TIAM1: variants seen among roughly 807,000 people sequenced by gnomAD.
TIAM1 encodes the protein rho guanine nucleotide exchange factor TIAM1.
A neutral mutation model predicts 163.5 loss-of-function variants in TIAM1; 65 were observed. The observed-to-expected ratio is 0.40, with a 90% CI of 0.33 to 0.49. TIAM1 has a LOEUF of 0.49. TIAM1 is among the 20% of genes least tolerant of loss of function. The pLI is 0.77. For synonymous variants in TIAM1, 833 were observed against 810.1 expected (o/e 1.03, Z -0.48); for missense variants, 1,789 against 2,044.7 (o/e 0.87, Z 2.41).
At chr21:31,543,309 G>A (rs2048377368) in intron 1 of TIAM1, among the ~76,000 whole-genome samples, 3 of 152,192 alleles carry the variant, frequency 2.0e-5, no homozygotes, top group Admixed American at 2.0e-4. Flanking sequence ...TTCCAAGCTC[G>A]CGCTCTTGGC....
intron 2 of TIAM1, among the ~76,000 whole-genome samples, chr21:31,292,680 T>C (rs554809014): frequency 7.9e-4 from 119 of 150,646 alleles, no homozygotes; most frequent in African/African-American, 2.8e-3. Flanking sequence ...CTTTTTTTTT[T>C]TTTTTTAAGA....
rs114996789 is a variant in TIAM1 at position 31,214,513 on chromosome 21, T to C, written c.2143-1041A>G. ...CTTTGTAATACATTCTTAAGTAGAA[T>C]GTGAGAATATTATAGTTTTTTACCT... On this transcript the variant is annotated intron_variant, in intron 9 of 27. Transcript: ENST00000541036. Among the ~76,000 whole-genome samples the C allele has an allele frequency of 1.7e-3, 254 of 152,232 alleles. 3 individuals carry two copies. Among genetic ancestry groups the C allele is most frequent in the African/African-American group, 5.8e-3 (243 of 41,558 alleles).
At chr21:31,401,797 G>A (rs1176024543) in intron 2 of TIAM1, among the ~76,000 whole-genome samples, 2 of 151,922 alleles carry the variant, frequency 1.3e-5, no homozygotes, top group African/African-American at 2.4e-5. Context: ...TGGAACCCTA[G>A]CTACTCAGGG....
intron 1 of TIAM1, among the ~76,000 whole-genome samples, chr21:31,482,257 T>C (rs973241956): frequency 2.0e-5 from 3 of 151,994 alleles, no homozygotes; most frequent in Admixed American, 2.0e-4. Flanking sequence ...GTTCAAGTGA[T>C]TCTCCTGCCT....
chr21:31,362,333 A>T (rs1483527614), intron 2 of TIAM1, among the ~76,000 whole-genome samples: 1 of 152,010 alleles, frequency 6.6e-6, no homozygotes, highest in Non-Finnish European at 1.5e-5. Flanking sequence ...AGTAAGTGAG[A>T]AGGGAAGAGC....
chr21:31,294,804 C>T (rs926081742), intron 2 of TIAM1, among the ~76,000 whole-genome samples: 22 of 152,316 alleles, frequency 1.4e-4, no homozygotes, highest in Non-Finnish European at 8.8e-5. Context: ...CCTTCTGGTT[C>T]TGCGGCTGCC....
In TIAM1 at chr21:31,217,611, GAAGA is replaced by G; in HGVS notation, c.2080_2083del (p.Ser694LeufsTer29). On this transcript the variant is annotated frameshift_variant, in exon 9 of 28. Coordinates refer to ENST00000541036, the MANE Select transcript of TIAM1 (RefSeq NM_001353694.2). LOFTEE classifies it high-confidence loss of function. Reference sequence around the variant, plus strand: ...GGAGGTAGTATCCAGACCCCACAGAGAAGAAAACCTGCTCCTTCGCTTGCTCGCG... The same window carrying G: ...GGAGGTAGTATCCAGACCCCACAGAGAAACCTGCTCCTTCGCTTGCTCGCG... 2 of 1,614,132 alleles carry G rather than the reference GAAGA, an allele frequency of 1.2e-6. No individual in the cohort carries two copies. Among genetic ancestry groups the G allele is most frequent in the Non-Finnish European group, 1.7e-6 (2 of 1,180,020 alleles).
At chr21:31,240,293 G>A (rs1460693049) in intron 6 of TIAM1, among the ~76,000 whole-genome samples, 1 of 152,132 alleles carries the variant, frequency 6.6e-6, no homozygotes, top group Non-Finnish European at 1.5e-5. Flanking sequence ...GTAAAAAATG[G>A]TCAAAATCAA....
chr21:31,387,237 GT>G (rs2076890320), intron 2 of TIAM1, among the ~76,000 whole-genome samples: 1 of 126,906 alleles, frequency 7.9e-6, no homozygotes, highest in African/African-American at 3.1e-5. Context: ...GGGGGGCACA[GT>G]TGAGACAGGG....
At chr21:31,148,288 C>G (rs1203874800) in intron 19 of TIAM1, among the ~76,000 whole-genome samples, 2 of 152,092 alleles carry the variant, frequency 1.3e-5, no homozygotes, top group African/African-American at 4.8e-5. Context: ...TGAGAGGTAA[C>G]TGAATAATGG....
intron 2 of TIAM1, among the ~76,000 whole-genome samples, chr21:31,320,505 C>G (rs2147025906): frequency 6.6e-6 from 1 of 152,228 alleles, no homozygotes. Flanking sequence ...AAAAAATCCA[C>G]AACATTACAA....
chr21:31,195,344 ATAAC>A (rs1472976661), intron 12 of TIAM1, 39 bp from the exon 13 acceptor site: 3 of 1,416,196 alleles, frequency 2.1e-6, no homozygotes, highest in East Asian at 2.3e-5. Flanking sequence ...GAATTTCATT[ATAAC>A]TAACTTTTAA....
At chr21:31,241,693 T>C (rs142141271) in intron 6 of TIAM1, among the ~76,000 whole-genome samples, 2,470 of 152,056 alleles carry the variant, frequency 0.016, 73 homozygotes, top group African/African-American at 0.055. Flanking sequence ...GTATGAGACA[T>C]GCAAATAAAC....
chr21:31,389,215 T>C (rs2076929369), intron 2 of TIAM1, among the ~76,000 whole-genome samples: 2 of 151,912 alleles, frequency 1.3e-5, no homozygotes, highest in South Asian at 2.1e-4. Flanking sequence ...ATTTTTATTT[T>C]ATTTTATTTT....
intron 8 of TIAM1, among the ~76,000 whole-genome samples, chr21:31,218,230 A>G (rs2146598552): frequency 1.3e-5 from 2 of 152,284 alleles, no homozygotes; most frequent in Middle Eastern, 3.4e-3. Flanking sequence ...ACGAGTGATC[A>G]TTGGCCCCCA....
chr21:31,152,048 G>T (rs12483220), intron 19 of TIAM1, among the ~76,000 whole-genome samples: 3,746 of 18,382 alleles, frequency 0.2, 629 homozygotes, highest in South Asian at 0.28. Context: ...TTTTTTTTTT[G>T]TAAGACGGAG....
intron 1 of TIAM1, among the ~76,000 whole-genome samples, chr21:31,490,852 C>T (rs1207424343): frequency 2.6e-5 from 4 of 152,190 alleles, no homozygotes; most frequent in African/African-American, 4.8e-5. Context: ...ATTGGCCGAG[C>T]GTGGTGGCTC....
chr21:31,355,834 A>AT (rs2076308441), intron 2 of TIAM1, among the ~76,000 whole-genome samples: 2 of 88 alleles, frequency 0.023, no homozygotes, highest in Non-Finnish European at 0.037. Flanking sequence ...TTCAGGCGTG[A>AT]GCACTGCGCG....
At position 31,395,640 on chromosome 21, in the gene TIAM1, G is replaced by A. The variant is rs189078955; in HGVS notation, c.-368-56218C>T. Among the ~76,000 whole-genome samples, 1 of 152,318 alleles carries A rather than the reference G, an allele frequency of 6.6e-6. No individual in the cohort carries two copies. Among genetic ancestry groups the A allele is most frequent in the South Asian group, 2.1e-4 (1 of 4,822 alleles). On this transcript the variant is annotated intron_variant, in intron 2 of 28. Coordinates refer to the TIAM1 transcript ENST00000286827. This position sits in a 1 kb window ranked among gnomAD's most constrained non-coding sequence, Gnocchi z 7.5. ...TAAATGAACTTACACAGAGGGCATG[G>A]GGGTAGTAAAAGGTGCTGGACGAGA...
Sources: allele counts gnomAD v4.1 joint callset (sites outside exome capture counted in the v4.1 genomes callset), GRCh38; gene constraint gnomAD v4.1.1; non-coding constraint Gnocchi (gnomAD v3.1); transcripts MANE v1.5; gene names NCBI Gene and HGNC (gene_info 2026-07-23, HGNC 2026-07-21).